Variants in SCN9A observed in about 807,000 individuals in gnomAD.
The protein encoded by SCN9A is sodium channel protein type 9 subunit alpha.
SCN9A carries 131 observed loss-of-function variants against 187.0 expected under a neutral mutation model. The observed-to-expected ratio is 0.70, with a 90% confidence interval of 0.61 to 0.81. The LOEUF (loss-of-function observed/expected upper bound fraction) is 0.81, where lower values mean the gene tolerates loss of function less well. SCN9A is among the 30% of genes least tolerant of loss of function. The pLI is 0.00. For synonymous variants in SCN9A, 809 were observed against 808.6 expected (o/e 1.00, Z -0.01); for missense variants, 2,252 against 2,396.6 (o/e 0.94, Z 1.26).
chr2:166,268,871 C>G (rs1213882746), intron 17 of SCN9A, among the ~76,000 whole-genome samples: 1 of 151,832 alleles, frequency 6.6e-6, no homozygotes, highest in Non-Finnish European at 1.5e-5. Context: ...AATTAGAAGT[C>G]AGTAGCACTA....
intron 1 of SCN9A, among the ~76,000 whole-genome samples, chr2:166,356,739 C>G (rs1004144388): frequency 4.6e-5 from 7 of 152,088 alleles, no homozygotes; most frequent in African/African-American, 1.7e-4. Context: ...TTGTTTCATA[C>G]CTTCCTTCGT....
In SCN9A at chr2:166,197,792, T is replaced by C. The variant is rs926314943; in HGVS notation, c.*880A>G. ...GTTTAAGAGACTATTATCAGTATTT[T>C]GGGCAGCACAGTCAAATGTTAGGCT... On this transcript the variant is annotated 3_prime_UTR_variant, in exon 27 of 27. Transcript: ENST00000642356. The C allele has an allele frequency of 1.3e-5, 2 of 152,180 alleles. No homozygotes were observed. The highest frequency in any genetic ancestry group is 4.8e-5 in the African/African-American group (2 of 41,446). The allele number at this position is 152,180 out of a possible 1,614,324, so 9.4% of individuals were successfully genotyped here.
intron 1 of SCN9A, among the ~76,000 whole-genome samples, chr2:166,322,039 C>A (rs1252528026): frequency 4.6e-5 from 7 of 151,982 alleles, no homozygotes; most frequent in African/African-American, 1.7e-4. Context: ...GCTGATCTTC[C>A]AACTTTCAGG....
At chr2:166,303,487 T>C (rs549952543) in intron 6 of SCN9A, among the ~76,000 whole-genome samples, 185 bp from the exon 7 acceptor site, 1 of 152,224 alleles carries the variant, frequency 6.6e-6, no homozygotes, top group African/African-American at 2.4e-5. Flanking sequence ...CAGCAAATGG[T>C]TAAAAATAGG....
At chr2:166,368,684 ATT>A (rs1343001296) in intron 1 of SCN9A, among the ~76,000 whole-genome samples, 64 of 83,810 alleles carry the variant, frequency 7.6e-4, no homozygotes, top group African/African-American at 3.5e-3. Context: ...TTGAAACTTA[ATT>A]AAAAAAAAAA....
At chr2:166,238,989 T>C (rs1338003767) in intron 19 of SCN9A, among the ~76,000 whole-genome samples, 1 of 152,210 alleles carries the variant, frequency 6.6e-6, no homozygotes, top group African/African-American at 2.4e-5. Flanking sequence ...ATGTAGGGCT[T>C]ACGCTTTACT....
intron 18 of SCN9A, among the ~76,000 whole-genome samples, chr2:166,247,122 C>G (rs1344353968): frequency 8.8e-6 from 1 of 113,240 alleles, no homozygotes; most frequent in Non-Finnish European, 1.6e-5. Flanking sequence ...TACATAAAGT[C>G]TATGCTGAGT....
At chr2:166,202,555 C>T (rs563492626) in intron 26 of SCN9A, among the ~76,000 whole-genome samples, 39 of 151,760 alleles carry the variant, frequency 2.6e-4, no homozygotes, top group Non-Finnish European at 3.0e-5. Flanking sequence ...TAAAAAGACT[C>T]ATTGATATTT....
Position 166,233,525 on chromosome 2 carries a change from C to A in SCN9A, c.3802-63G>T. 3.6e-6 allele frequency: 5 copies of A among 1,406,182 alleles called. No homozygotes were observed. The South Asian group carries it at 7.2e-5, about 20-fold the overall frequency. 87.1% of individuals were successfully genotyped at this position (1,406,182 alleles called of 1,614,324 possible). On this transcript the variant is annotated intron_variant, in intron 20 of 26. Transcript: ENST00000642356. Reference sequence around the variant, plus strand: ...ATGATGAAGCATAAAAGGAAAAAGTCAATTCTGAAACTCACTAAAAGCAAC... The same window carrying A: ...ATGATGAAGCATAAAAGGAAAAAGTAAATTCTGAAACTCACTAAAAGCAAC...
At chr2:166,369,570 A>G (rs1231166463) in intron 1 of SCN9A, among the ~76,000 whole-genome samples, 3 of 152,176 alleles carry the variant, frequency 2.0e-5, no homozygotes, top group Non-Finnish European at 2.9e-5. Context: ...ACAAGAATAC[A>G]TATTTTGTTA....
At position 166,199,583 on chromosome 2, in the gene SCN9A, T is replaced by G; in HGVS notation, c.5056A>C (p.Asn1686His). The G allele has an allele frequency of 6.2e-7, 1 of 1,614,192 alleles. No individual in the cohort carries two copies. The highest frequency in any genetic ancestry group is 8.5e-7 in the Non-Finnish European group (1 of 1,180,032). The part of the protein sequence containing the change: ...NDMFNFETFG[N>H]SMICLFQITT... Reference sequence around the variant, plus strand: ...ATTTGGAACAGGCAAATCATACTGTTGCCAAAGGTCTCAAAATTGAACATG... The same window carrying G: ...ATTTGGAACAGGCAAATCATACTGTGGCCAAAGGTCTCAAAATTGAACATG... The change falls in exon 27 of 27, where the codon AAC (asparagine) becomes CAC (histidine). Residue 1686 changes from asparagine to histidine, a missense_variant. Around this residue, in one of 7 missense-constraint regions of SCN9A, gnomAD observed 84 missense variants for 134.2 expected, o/e 0.63. Coordinates refer to ENST00000642356, the MANE Select transcript of SCN9A (RefSeq NM_001365536.1).
intron 12 of SCN9A, 94 bp from the exon 13 acceptor site, chr2:166,281,902 TA>T (rs1398434467): frequency 1.7e-6 from 2 of 1,152,554 alleles, no homozygotes; most frequent in Non-Finnish European, 2.4e-6. Flanking sequence ...AGTGAGTAAT[TA>T]AAAGTAGAGC....
intron 14 of SCN9A, 29 bp downstream of exon 14, chr2:166,280,328 G>A (rs1574856623): frequency 8.4e-6 from 10 of 1,190,414 alleles, no homozygotes; most frequent in Non-Finnish European, 1.2e-5. Context: ...GAGAAACTAT[G>A]AGTACATAAC....
chr2:166,370,345 C>T (rs938708701), intron 1 of SCN9A, among the ~76,000 whole-genome samples: 2 of 150,906 alleles, frequency 1.3e-5, no homozygotes, highest in Non-Finnish European at 3.0e-5. Flanking sequence ...AGATTGAGAC[C>T]ATCCTGGCTA....
At chr2:166,263,957 C>A (rs952859746) in intron 17 of SCN9A, among the ~76,000 whole-genome samples, 1 of 151,978 alleles carries the variant, frequency 6.6e-6, no homozygotes, top group Non-Finnish European at 1.5e-5. Flanking sequence ...AGACTTCTAG[C>A]CTCCAGAACT....
At chr2:166,281,950 A>T (rs187663585) in intron 12 of SCN9A, 142 bp from the exon 13 acceptor site, 7 of 654,966 alleles carry the variant, frequency 1.1e-5, no homozygotes, top group African/African-American at 1.8e-5. Flanking sequence ...TCTGCTACTT[A>T]CTGGCTGTAT....
At chr2:166,273,097 G>A (rs1345502874) in intron 16 of SCN9A, among the ~76,000 whole-genome samples, 3 of 152,038 alleles carry the variant, frequency 2.0e-5, no homozygotes, top group Admixed American at 2.0e-4. Context: ...CTCAGCAGCA[G>A]AGGGTCAGCC....
chr2:166,222,690 T>G (rs528724626), intron 24 of SCN9A, among the ~76,000 whole-genome samples: 9 of 142,152 alleles, frequency 6.3e-5, no homozygotes, highest in Admixed American at 6.1e-4. Flanking sequence ...CCCAGCACTT[T>G]GGGAGGCCGA....
chr2:166,243,312 C>T (rs1210915680), intron 18 of SCN9A, among the ~76,000 whole-genome samples: 1 of 151,822 alleles, frequency 6.6e-6, no homozygotes, highest in Non-Finnish European at 1.5e-5. Context: ...TCCATCAAAC[C>T]CTTGTTACGT....
Sources: allele counts gnomAD v4.1 joint callset (sites outside exome capture counted in the v4.1 genomes callset), GRCh38; gene constraint gnomAD v4.1.1; regional missense constraint gnomAD v4.1.1; transcripts MANE v1.5; gene names NCBI Gene and HGNC (gene_info 2026-07-23, HGNC 2026-07-21).